Variants in PLPP4 observed in about 807,000 individuals in gnomAD.
PLPP4 encodes diacylglycerol pyrophosphate like 2.
Under a neutral mutation model 32.2 loss-of-function variants are expected in PLPP4, and 20 were observed. That is an observed-to-expected ratio of 0.62 (90% confidence interval 0.44 to 0.90). The LOEUF is 0.90. Ranked by LOEUF, PLPP4 falls within the 40% of genes least tolerant of loss-of-function variation. The pLI, the probability that PLPP4 is intolerant of heterozygous loss-of-function variation, is 0.00. For synonymous variants in PLPP4, 127 were observed against 133.0 expected, an observed-to-expected ratio of 0.95 and a Z score of 0.31; for missense variants, 257 against 353.1, an observed-to-expected ratio of 0.73 and a Z score of 2.18.
chr10:120,521,338 A>G (rs1425903278), intron 5 of PLPP4, among the ~76,000 whole-genome samples: 2 of 152,194 alleles, frequency 1.3e-5, no homozygotes, highest in Non-Finnish European at 1.5e-5. Context: ...AGAGCATAAC[A>G]TGTGATACTT....
At chr10:120,538,653 C>G (rs553060707) in intron 5 of PLPP4, among the ~76,000 whole-genome samples, 2 of 152,300 alleles carry the variant, frequency 1.3e-5, no homozygotes, top group South Asian at 2.1e-4. Context: ...CCTGCTGTCT[C>G]TTCAACCTCA....
At chr10:120,551,029 TAA>T (rs1481701747) in intron 5 of PLPP4, among the ~76,000 whole-genome samples, 2 of 152,232 alleles carry the variant, frequency 1.3e-5, no homozygotes, top group East Asian at 3.9e-4. Context: ...CCACAATATA[TAA>T]AGAGTATGTA....
At chr10:120,474,209 T>A (rs920447872) in intron 1 of PLPP4, among the ~76,000 whole-genome samples, 2 of 152,170 alleles carry the variant, frequency 1.3e-5, no homozygotes, top group Non-Finnish European at 2.9e-5. Context: ...GATGTCTCTT[T>A]AAAGAGATCT....
intron 5 of PLPP4, among the ~76,000 whole-genome samples, chr10:120,531,384 G>A (rs79280714): frequency 6.6e-6 from 1 of 152,066 alleles, no homozygotes; most frequent in East Asian, 1.9e-4. Context: ...GATTACAGAC[G>A]TGAGCCACCG....
rs189110164 is a variant in PLPP4 at position 120,495,292 on chromosome 10, G to A, written c.57-8526G>A. On this transcript the variant is annotated intron_variant, in intron 1 of 6. Transcript: ENST00000398250. ...TCTAATTGTTAGCTTTGTTTTGGGG[G>A]ATAGCCAACTACTCCAATTCAGAGT... Among the ~76,000 whole-genome samples the A allele has an allele frequency of 1.7e-3, 255 of 152,302 alleles. 2 individuals carry two copies. The South Asian group carries it at 0.017, about 10-fold the overall frequency.
At chr10:120,566,025 A>G (rs990614311) in intron 5 of PLPP4, among the ~76,000 whole-genome samples, 3 of 152,208 alleles carry the variant, frequency 2.0e-5, no homozygotes, top group Admixed American at 6.5e-5. Context: ...TAGAAATTCT[A>G]TTTGGTCTTT....
intron 5 of PLPP4, among the ~76,000 whole-genome samples, chr10:120,543,903 G>A (rs543676291): frequency 6.6e-6 from 1 of 152,208 alleles, no homozygotes; most frequent in South Asian, 2.1e-4. Context: ...CTTAGCATAC[G>A]TATCCTCAGG....
chr10:120,591,348 G>C lies in PLPP4; in HGVS notation c.*1846G>C, dbSNP rs1339033396. 6.6e-6 allele frequency among the ~76,000 whole-genome samples: 1 copy of C among 152,108 alleles called. No individual in the cohort carries two copies. On this transcript the variant is annotated 3_prime_UTR_variant, in exon 7 of 7. Coordinates refer to ENST00000398250, the MANE Select transcript of PLPP4 (RefSeq NM_001030059.3). Reference sequence around the variant, plus strand: ...ATTGTCCCCTGGATGGAGTGGGAGAGGGGGAGGCTTGAATTGACTTTCATC... The same window carrying C: ...ATTGTCCCCTGGATGGAGTGGGAGACGGGGAGGCTTGAATTGACTTTCATC...
At chr10:120,544,833 G>A (rs980479275) in intron 5 of PLPP4, among the ~76,000 whole-genome samples, 1 of 152,208 alleles carries the variant, frequency 6.6e-6, no homozygotes, top group Non-Finnish European at 1.5e-5. Flanking sequence ...GAGGCTTTGT[G>A]TAGCCCATCT....
intron 1 of PLPP4, among the ~76,000 whole-genome samples, chr10:120,500,077 A>G (rs1265396475): frequency 1.3e-5 from 2 of 152,206 alleles, no homozygotes; most frequent in Non-Finnish European, 2.9e-5. Flanking sequence ...GAGAAGGGAC[A>G]TCAATCTTTC....
intron 5 of PLPP4, among the ~76,000 whole-genome samples, chr10:120,573,928 A>T (rs953317982): frequency 6.6e-6 from 1 of 152,078 alleles, no homozygotes; most frequent in African/African-American, 2.4e-5. Context: ...GTGTATTGGC[A>T]TTGAGAGTAT....
intron 1 of PLPP4, among the ~76,000 whole-genome samples, chr10:120,479,791 G>A (rs77574988): frequency 0.039 from 5,955 of 152,344 alleles, 137 homozygotes; most frequent in Middle Eastern, 0.14. Context: ...GGCTGGAGAT[G>A]AAATGGTGAC....
rs35501001 is a variant in PLPP4 at position 120,528,069 on chromosome 10, G to GTTTTTT, written c.445+6992_445+6997dup. Among the ~76,000 whole-genome samples, 42 of 84,264 alleles carry GTTTTTT rather than the reference G, an allele frequency of 5.0e-4. 1 individual carries two copies. Among genetic ancestry groups the GTTTTTT allele is most frequent in the African/African-American group, 5.8e-4 (12 of 20,700 alleles). 55.3% of individuals were successfully genotyped at this position (84,264 alleles called of 152,430 possible). ...GGAAATTTGAAAAATACCACTCTCC[G>GTTTTTT]TTTTTTTTTTTTTTTTTTTTTTTGA... On this transcript the variant is annotated intron_variant, in intron 5 of 6. Coordinates refer to ENST00000398250, the MANE Select transcript of PLPP4 (RefSeq NM_001030059.3).
intron 1 of PLPP4, among the ~76,000 whole-genome samples, chr10:120,477,936 A>G (rs1388217947): frequency 3.9e-5 from 6 of 152,166 alleles, no homozygotes; most frequent in African/African-American, 1.2e-4. Flanking sequence ...AGAATCTTAG[A>G]GGACAAGTTG....
chr10:120,521,978 G>A (rs1271125003), intron 5 of PLPP4, among the ~76,000 whole-genome samples: 1 of 152,200 alleles, frequency 6.6e-6, no homozygotes, highest in Non-Finnish European at 1.5e-5. Flanking sequence ...CCATTCATCA[G>A]TTCATATTGC....
chr10:120,458,689 C>T (rs1028579371), intron 1 of PLPP4, among the ~76,000 whole-genome samples: 1 of 152,118 alleles, frequency 6.6e-6, no homozygotes, highest in African/African-American at 2.4e-5. Context: ...GAAGAAGGAA[C>T]GAGAACTTCA....
At chr10:120,588,375 C>G (rs1163608256) in intron 6 of PLPP4, among the ~76,000 whole-genome samples, 1 of 152,240 alleles carries the variant, frequency 6.6e-6, no homozygotes, top group African/African-American at 2.4e-5. Context: ...CACCTGCTCC[C>G]CTCTTGCCTC....
In PLPP4 at chr10:120,503,996, GT is replaced by G. The variant is rs1236588943; in HGVS notation, c.165+75del. On this transcript the variant is annotated intron_variant, in intron 2 of 6. Coordinates refer to ENST00000398250, the MANE Select transcript of PLPP4 (RefSeq NM_001030059.3). Reference sequence around the variant, plus strand: ...ATGAACCAAATGGGTTTTCATCTTTGTTTTTCTAACCCTGAAGACAGTGGGT... The same window carrying G: ...ATGAACCAAATGGGTTTTCATCTTTGTTTTCTAACCCTGAAGACAGTGGGT... 5.4e-6 allele frequency: 6 copies of G among 1,102,312 alleles called. No individual in the cohort carries two copies. The East Asian group carries it at 1.2e-4, about 22-fold the overall frequency. 68.3% of individuals were successfully genotyped at this position (1,102,312 alleles called of 1,614,324 possible). A position where few individuals can be genotyped will look rare whatever the true frequency, so the allele number is the denominator to read the frequency against.
chr10:120,584,197 G>A (rs970064445), intron 6 of PLPP4, among the ~76,000 whole-genome samples: 6 of 152,074 alleles, frequency 3.9e-5, no homozygotes, highest in Admixed American at 6.5e-5. Flanking sequence ...AACCTCTCCC[G>A]GTTAACTCTT....
Sources: gnomAD v4.1 joint callset for allele counts (sites outside exome capture counted in the v4.1 genomes callset) on GRCh38, gnomAD v4.1.1 for gene constraint, MANE v1.5 for transcripts, NCBI Gene and HGNC (gene_info 2026-07-23, HGNC 2026-07-21) for gene names.